SRBD1: variants seen among roughly 807,000 people sequenced by gnomAD.
SRBD1 encodes the protein S1 RNA binding domain 1.
In SRBD1, 88 loss-of-function variants were observed where a neutral mutation model predicts 115.3. That is an observed-to-expected ratio of 0.76 (90% CI 0.64 to 0.91). The LOEUF (loss-of-function observed/expected upper bound fraction) is 0.91. SRBD1 is among the 40% of genes least tolerant of loss of function. The pLI is 0.00. For synonymous variants in SRBD1, 509 were observed against 407.7 expected (o/e 1.25, Z -2.99); for missense variants, 1,385 against 1,177.4 (o/e 1.18, Z -2.58).
At chr2:45,509,362 C>A (rs1016018059) in intron 14 of SRBD1, among the ~76,000 whole-genome samples, 1 of 151,832 alleles carries the variant, frequency 6.6e-6, no homozygotes. Context: ...TTTGAGAGGC[C>A]GAGGCGGGCG....
At chr2:45,589,836 A>T (rs1353083625) in intron 4 of SRBD1, among the ~76,000 whole-genome samples, 1 of 152,242 alleles carries the variant, frequency 6.6e-6, no homozygotes, top group Non-Finnish European at 1.5e-5. Context: ...GATAATCAAG[A>T]TGTAAAAAAA....
intron 20 of SRBD1, 82 bp downstream of exon 20, chr2:45,392,863 G>C: frequency 8.0e-7 from 1 of 1,253,314 alleles, no homozygotes; most frequent in Non-Finnish European, 1.1e-6. Flanking sequence ...TCTGCTTATG[G>C]CATAGGATTG....
At chr2:45,590,118 G>A (rs775552348) in intron 4 of SRBD1, among the ~76,000 whole-genome samples, 2 of 152,186 alleles carry the variant, frequency 1.3e-5, no homozygotes, top group Admixed American at 6.5e-5. Context: ...GTTTTAAATC[G>A]CTAAAAGTTC....
intron 9 of SRBD1, among the ~76,000 whole-genome samples, chr2:45,564,059 A>T (rs1672751188): frequency 6.6e-6 from 1 of 152,158 alleles, no homozygotes; most frequent in African/African-American, 2.4e-5. Flanking sequence ...GTAATAGCAA[A>T]CCACATCCAG....
Position 45,596,988 on chromosome 2 carries a change from TCACACA to T in SRBD1, c.648+2455_648+2460del, listed in dbSNP as rs36095012. On this transcript the variant is annotated intron_variant, in intron 4 of 20. Transcript: ENST00000263736. ...ACACACACACCCACACCCACAACCCTCACACACACACACACACACACACACACACAG... is the reference window on the plus strand; with the variant it reads ...ACACACACACCCACACCCACAACCCTCACACACACACACACACACACACAG... 3.3e-4 allele frequency among the ~76,000 whole-genome samples: 46 copies of T among 140,970 alleles called. 1 individual carries two copies. In the South Asian group the frequency reaches 6.3e-3, roughly 19 times the overall value. The allele number at this position is 140,970 out of a possible 152,430, so 92.5% of individuals were successfully genotyped here.
intron 19 of SRBD1, among the ~76,000 whole-genome samples, chr2:45,408,228 T>G (rs910124612): frequency 3.9e-5 from 6 of 152,214 alleles, no homozygotes; most frequent in African/African-American, 1.4e-4. Context: ...TGTGAGAATA[T>G]ATAGAGTATG....
intron 4 of SRBD1, 151 bp from the exon 5 acceptor site, chr2:45,585,925 C>A: frequency 3.4e-6 from 2 of 585,422 alleles, no homozygotes; most frequent in Admixed American, 3.8e-5. Flanking sequence ...ATATAAAATA[C>A]ATGTATCCAT....
intron 16 of SRBD1, among the ~76,000 whole-genome samples, chr2:45,432,003 G>GTATGTATT (rs370681221): frequency 2.1e-5 from 3 of 142,872 alleles, no homozygotes; most frequent in Non-Finnish European, 3.0e-5. Context: ...AGAGTTAAAA[G>GTATGTATT]TATTTATTTA....
At chr2:45,591,865 C>T in intron 4 of SRBD1, among the ~76,000 whole-genome samples, 1 of 152,180 alleles carries the variant, frequency 6.6e-6, no homozygotes, top group South Asian at 2.1e-4. Flanking sequence ...GAAGCAACTT[C>T]CCGGACATGC....
intron 10 of SRBD1, among the ~76,000 whole-genome samples, chr2:45,560,944 A>AT (rs1462211573): frequency 7.3e-6 from 1 of 136,908 alleles, no homozygotes; most frequent in East Asian, 2.0e-4. Flanking sequence ...CATCTCTTAA[A>AT]TAAAAAAAAA....
chr2:45,582,560 T>C (rs1173539703), intron 5 of SRBD1, among the ~76,000 whole-genome samples: 1 of 152,216 alleles, frequency 6.6e-6, no homozygotes, highest in Non-Finnish European at 1.5e-5. Context: ...TATTCACTGA[T>C]TTATTTATAT....
intron 19 of SRBD1, among the ~76,000 whole-genome samples, chr2:45,406,415 G>GA (rs1354142741): frequency 6.6e-6 from 1 of 152,152 alleles, no homozygotes; most frequent in African/African-American, 2.4e-5. Flanking sequence ...ACTATTGAGG[G>GA]AAAATCTATT....
At chr2:45,478,287 A>T (rs1669863039) in intron 15 of SRBD1, among the ~76,000 whole-genome samples, 1 of 152,204 alleles carries the variant, frequency 6.6e-6, no homozygotes, top group African/African-American at 2.4e-5. Flanking sequence ...AACAAAAGTC[A>T]TCTCTTGCAA....
At chr2:45,609,653 C>A (rs148065063) in intron 1 of SRBD1, among the ~76,000 whole-genome samples, 15 of 152,158 alleles carry the variant, frequency 9.9e-5, no homozygotes, top group African/African-American at 3.4e-4. Context: ...AACATTCTTT[C>A]CCACCTCAGG....
chr2:45,527,514 G>C (rs1199682859), intron 14 of SRBD1, among the ~76,000 whole-genome samples: 1 of 151,168 alleles, frequency 6.6e-6, no homozygotes, highest in East Asian at 1.9e-4. Flanking sequence ...ATGAGGAAAG[G>C]GTATACCAAG....
At chr2:45,475,723 G>A (rs116351379) in intron 16 of SRBD1, among the ~76,000 whole-genome samples, 2 of 152,150 alleles carry the variant, frequency 1.3e-5, no homozygotes, top group South Asian at 4.1e-4. Context: ...TCTCGAGATG[G>A]AGTCTCGCTC....
chr2:45,501,210 C>T (rs1490515736), intron 14 of SRBD1, among the ~76,000 whole-genome samples: 1 of 152,156 alleles, frequency 6.6e-6, no homozygotes, highest in African/African-American at 2.4e-5. Context: ...TTGAACCATC[C>T]TTGCATACTT....
chr2:45,540,921 C>T (rs750993089), intron 14 of SRBD1, among the ~76,000 whole-genome samples: 6 of 152,228 alleles, frequency 3.9e-5, no homozygotes, highest in Non-Finnish European at 5.9e-5. Context: ...ACTAGTGTTA[C>T]GGAATCCTTA....
At chr2:45,513,073 A>T (rs73927515) in intron 14 of SRBD1, among the ~76,000 whole-genome samples, 10,335 of 152,148 alleles carry the variant, frequency 0.068, 556 homozygotes, top group African/African-American at 0.15. Context: ...CAAATGCTCT[A>T]CCCCTGAGCT....
Sources: gnomAD v4.1 joint callset for allele counts (sites outside exome capture counted in the v4.1 genomes callset) on GRCh38, gnomAD v4.1.1 for gene constraint, MANE v1.5 for transcripts, NCBI Gene and HGNC (gene_info 2026-07-23, HGNC 2026-07-21) for gene names.